UGGT2: variants seen among roughly 807,000 people sequenced by gnomAD.
UGGT2 encodes the protein UDP-glucose glycoprotein glucosyltransferase 2.
A neutral mutation model predicts 192.1 loss-of-function variants in UGGT2; 180 were observed. The ratio of observed to expected loss-of-function variants is 0.94; its 90% CI spans 0.83 to 1.06. UGGT2 has a LOEUF of 1.06. Ranked by LOEUF, UGGT2 falls within the 50% of genes least tolerant of loss-of-function variation. The pLI is 0.00. For synonymous variants in UGGT2, 580 were observed against 591.0 expected (o/e 0.98, Z 0.27); for missense variants, 1,849 against 1,795.7 (o/e 1.03, Z -0.54).
intron 2 of UGGT2, among the ~76,000 whole-genome samples, chr13:96,029,494 C>T (rs1431971947): frequency 6.6e-6 from 1 of 152,052 alleles, no homozygotes; most frequent in East Asian, 1.9e-4. Context: ...CAATGTTGGC[C>T]AGGCTGGTCT....
rs776189841 is a variant in UGGT2 at position 95,877,800 on chromosome 13, T to C, written c.3285A>G (p.Gln1095=). The change falls in exon 28 of 39, where the codon CAA becomes CAG. Residue 1095 remains glutamine (Q), a synonymous_variant. Coordinates refer to ENST00000376747, the MANE Select transcript of UGGT2 (RefSeq NM_020121.4). ...YELEYLLLEG[Q]CFDKVTEQPP... ...GCTGTTCTGTCACTTTATCAAAGCA[T>C]TGTCCTTCCAGTAGTAAGTATTCTA... 3.5e-5 allele frequency: 57 copies of C among 1,614,082 alleles called. No individual in the cohort carries two copies. In the East Asian group the frequency reaches 4.0e-4, roughly 11 times the overall value.
At chr13:96,005,774 A>T (rs900312594) in intron 5 of UGGT2, among the ~76,000 whole-genome samples, 1 of 152,176 alleles carries the variant, frequency 6.6e-6, no homozygotes, top group Non-Finnish European at 1.5e-5. Flanking sequence ...CTCAAGGCCA[A>T]TCTAACAAGG....
chr13:95,988,837 C>A (rs946885848), intron 8 of UGGT2, among the ~76,000 whole-genome samples: 1 of 151,910 alleles, frequency 6.6e-6, no homozygotes, highest in Non-Finnish European at 1.5e-5. Flanking sequence ...TTTACTTGGA[C>A]CAAAATCTTC....
At chr13:95,936,391 C>T (rs77863732) in intron 17 of UGGT2, among the ~76,000 whole-genome samples, 214 of 152,324 alleles carry the variant, frequency 1.4e-3, no homozygotes, top group African/African-American at 4.7e-3. Context: ...ATACTTGATC[C>T]TTGTTACTGG....
At chr13:95,940,130 T>C (rs368188183) in intron 15 of UGGT2, 39 bp from the exon 16 acceptor site, 31 of 1,369,308 alleles carry the variant, frequency 2.3e-5, no homozygotes, top group East Asian at 2.1e-4. Context: ...TTTCTTCTTA[T>C]AGCAATTAGT....
At chr13:95,993,703 C>G (rs1012965491) in intron 7 of UGGT2, among the ~76,000 whole-genome samples, 5 of 152,106 alleles carry the variant, frequency 3.3e-5, no homozygotes, top group Admixed American at 1.3e-4. Context: ...CTCCAAAAAT[C>G]TTATCCTTAC....
chr13:95,830,380 A>G (rs545269370), intron 38 of UGGT2, among the ~76,000 whole-genome samples: 25 of 152,344 alleles, frequency 1.6e-4, no homozygotes, highest in Non-Finnish European at 2.6e-4. Context: ...CAATCTACCC[A>G]TCTGACAAAG....
Position 96,034,677 on chromosome 13 carries a change from C to T in UGGT2, c.159-2706G>A, listed in dbSNP as rs1436796432. Reference sequence around the variant, plus strand: ...CTGGTATCTCCAAGCTTCCAGGTGCCACTGCATTCCACCACAGTGCCTGCA... The same window carrying T: ...CTGGTATCTCCAAGCTTCCAGGTGCTACTGCATTCCACCACAGTGCCTGCA... On this transcript the variant is annotated intron_variant, in intron 1 of 38. Coordinates refer to ENST00000376747, the MANE Select transcript of UGGT2 (RefSeq NM_020121.4). Among the ~76,000 whole-genome samples, 3 of 152,204 alleles carry T rather than the reference C, an allele frequency of 2.0e-5. No homozygotes were observed. In the South Asian group the frequency reaches 6.2e-4, roughly 32 times the overall value.
intron 7 of UGGT2, among the ~76,000 whole-genome samples, chr13:95,995,014 G>A (rs2051574431): frequency 6.6e-6 from 1 of 151,992 alleles, no homozygotes; most frequent in South Asian, 2.1e-4. Context: ...GATACCACCA[G>A]AGTTTCAGAA....
intron 15 of UGGT2, among the ~76,000 whole-genome samples, chr13:95,945,799 G>A (rs2049846461): frequency 6.6e-6 from 1 of 152,018 alleles, no homozygotes; most frequent in South Asian, 2.1e-4. Flanking sequence ...ATATTCCATG[G>A]CACTATTTTA....
intron 20 of UGGT2, among the ~76,000 whole-genome samples, chr13:95,910,064 C>A (rs2048437711): frequency 6.6e-6 from 1 of 152,120 alleles, no homozygotes; most frequent in Admixed American, 6.5e-5. Context: ...CACCACGAGG[C>A]CTGCCTTACA....
chr13:95,906,647 G>T (rs1357418789), intron 20 of UGGT2, among the ~76,000 whole-genome samples: 4 of 152,134 alleles, frequency 2.6e-5, no homozygotes, highest in Non-Finnish European at 5.9e-5. Context: ...TAAATGTAAA[G>T]ATATCCACAG....
At chr13:95,951,717 G>T (rs1299800331) in intron 12 of UGGT2, among the ~76,000 whole-genome samples, 1 of 152,210 alleles carries the variant, frequency 6.6e-6, no homozygotes, top group African/African-American at 2.4e-5. Flanking sequence ...ATTTGAGCAT[G>T]TATCAGTCTC....
At chr13:95,913,014 C>T (rs953541218) in intron 20 of UGGT2, among the ~76,000 whole-genome samples, 1 of 152,134 alleles carries the variant, frequency 6.6e-6, no homozygotes, top group African/African-American at 2.4e-5. Context: ...ATAAATGGTG[C>T]TGGGAAAACT....
intron 12 of UGGT2, among the ~76,000 whole-genome samples, chr13:95,957,527 C>T (rs995275490): frequency 1.3e-5 from 2 of 152,172 alleles, no homozygotes; most frequent in Non-Finnish European, 2.9e-5. Context: ...AAGGGAGGCA[C>T]ACCGTCTGAG....
At chr13:95,879,360 T>C (rs993891953) in intron 27 of UGGT2, among the ~76,000 whole-genome samples, 10 of 152,228 alleles carry the variant, frequency 6.6e-5, no homozygotes, top group Non-Finnish European at 1.5e-4. Context: ...AAGAGTTCTT[T>C]CTAGTGAATA....
chr13:96,003,349 G>C (rs1041453347), intron 5 of UGGT2, among the ~76,000 whole-genome samples: 7 of 152,100 alleles, frequency 4.6e-5, no homozygotes, highest in Non-Finnish European at 1.0e-4. Flanking sequence ...TCTATCACCA[G>C]TACTAAGCAC....
chr13:95,849,712 C>T (rs954398959), intron 36 of UGGT2, among the ~76,000 whole-genome samples: 11 of 151,738 alleles, frequency 7.2e-5, no homozygotes, highest in East Asian at 1.9e-4. Flanking sequence ...TTCAGGGGTA[C>T]ATGTACAAGT....
At chr13:95,973,268 G>C (rs1017785402) in intron 10 of UGGT2, among the ~76,000 whole-genome samples, 9 of 152,116 alleles carry the variant, frequency 5.9e-5, no homozygotes, top group Non-Finnish European at 8.8e-5. Flanking sequence ...AAAGGTAGCA[G>C]TTTGCCCAGC....
Sources: gnomAD v4.1 joint callset for allele counts (sites outside exome capture counted in the v4.1 genomes callset) on GRCh38, gnomAD v4.1.1 for gene constraint, MANE v1.5 for transcripts, NCBI Gene and HGNC (gene_info 2026-07-23, HGNC 2026-07-21) for gene names.